Variants in NIPAL2 observed in about 807,000 individuals in gnomAD.
NIPAL2 encodes NIPA-like protein 2.
A neutral mutation model predicts 48.9 loss-of-function variants in NIPAL2; 43 were observed. That is an observed-to-expected ratio of 0.88 (90% confidence interval 0.69 to 1.13). NIPAL2 has a LOEUF of 1.13. Ranked by LOEUF, NIPAL2 falls within the 50% of genes most tolerant of loss-of-function variation. NIPAL2 has a pLI of 0.00. For synonymous variants in NIPAL2, 167 were observed against 174.6 expected, an observed-to-expected ratio of 0.96 and a Z score of 0.34; for missense variants, 446 against 461.4, an observed-to-expected ratio of 0.97 and a Z score of 0.31.
intron 6 of NIPAL2, among the ~76,000 whole-genome samples, chr8:98,209,012 C>A (rs1172898471): frequency 1.3e-5 from 2 of 152,126 alleles, no homozygotes; most frequent in East Asian, 3.9e-4. Context: ...GTTCTCATTT[C>A]TTGCTGTAAT....
chr8:98,201,860 C>A (rs1224466136), intron 8 of NIPAL2, among the ~76,000 whole-genome samples: 1 of 152,020 alleles, frequency 6.6e-6, no homozygotes, highest in Non-Finnish European at 1.5e-5. Context: ...TAAAGAACTA[C>A]CCACTGACAG....
At chr8:98,283,209 A>C (rs1019417702) in intron 1 of NIPAL2, among the ~76,000 whole-genome samples, 6 of 152,244 alleles carry the variant, frequency 3.9e-5, no homozygotes, top group Admixed American at 2.6e-4. Flanking sequence ...TAAAAACAAA[A>C]TTTCATTAAG....
intron 1 of NIPAL2, among the ~76,000 whole-genome samples, chr8:98,259,219 GGC>G (rs1481707745): frequency 6.7e-6 from 1 of 150,300 alleles, no homozygotes; most frequent in African/African-American, 2.5e-5. Flanking sequence ...TGGGACTACA[GGC>G]GCGCGCCACC....
intron 1 of NIPAL2, among the ~76,000 whole-genome samples, chr8:98,287,154 T>A (rs1334170063): frequency 6.6e-6 from 1 of 152,156 alleles, no homozygotes; most frequent in African/African-American, 2.4e-5. Context: ...ATGTTAACAC[T>A]AAATGAGCTT....
chr8:98,194,702 C>T (rs754364480), intron 10 of NIPAL2, 26 bp downstream of exon 10: 23 of 1,313,156 alleles, frequency 1.8e-5, no homozygotes, highest in Non-Finnish European at 2.4e-5. Context: ...ATCAAATTTT[C>T]CACTATAAAG....
At chr8:98,212,596 G>GA (rs1811374235) in intron 5 of NIPAL2, 95 bp from the exon 6 acceptor site, 3 of 665,430 alleles carry the variant, frequency 4.5e-6, no homozygotes, top group Non-Finnish European at 7.9e-6. Context: ...ATTCTCATAT[G>GA]AGCGTTGAGG....
chr8:98,203,086 T>C (rs761078742), intron 8 of NIPAL2, 22 bp downstream of exon 8: 6 of 1,543,100 alleles, frequency 3.9e-6, no homozygotes, highest in Admixed American at 1.7e-5. Context: ...GAATCACCAA[T>C]GTATAGAAAA....
chr8:98,246,873 A>G (rs1401227228), intron 3 of NIPAL2, among the ~76,000 whole-genome samples: 1 of 152,102 alleles, frequency 6.6e-6, no homozygotes, highest in Non-Finnish European at 1.5e-5. Context: ...GCCGCCCCAT[A>G]GACAAGTTAA....
At chr8:98,205,376 G>T in intron 6 of NIPAL2, 130 bp from the exon 7 acceptor site, 1 of 805,376 alleles carries the variant, frequency 1.2e-6, no homozygotes, top group Non-Finnish European at 1.9e-6. Flanking sequence ...TGTGAGAGGT[G>T]TAGGAAGGGA....
intron 6 of NIPAL2, among the ~76,000 whole-genome samples, chr8:98,207,218 C>T (rs983549998): frequency 6.6e-6 from 1 of 152,168 alleles, no homozygotes; most frequent in Non-Finnish European, 1.5e-5. Context: ...GATTTAACCA[C>T]TATCTGATTT....
intron 6 of NIPAL2, among the ~76,000 whole-genome samples, chr8:98,206,316 G>GTGTATA (rs138475191): frequency 0.036 from 5,380 of 147,624 alleles, 322 homozygotes; most frequent in African/African-American, 0.13. Context: ...GTGTGTGTGT[G>GTGTATA]TATATATATA....
At chr8:98,260,322 G>T (rs1316198230) in intron 1 of NIPAL2, among the ~76,000 whole-genome samples, 3 of 152,230 alleles carry the variant, frequency 2.0e-5, no homozygotes, top group Non-Finnish European at 4.4e-5. Flanking sequence ...CTCCCAGTGT[G>T]AGCGACGCAG....
chr8:98,257,516 C>T (rs754786590), intron 1 of NIPAL2, among the ~76,000 whole-genome samples: 1 of 152,062 alleles, frequency 6.6e-6, no homozygotes, highest in South Asian at 2.1e-4. Flanking sequence ...CTTGACCTAC[C>T]TAAGTGCCGG....
intron 5 of NIPAL2, 70 bp from the exon 6 acceptor site, chr8:98,212,571 T>A (rs1373976360): frequency 1.2e-6 from 1 of 807,482 alleles, no homozygotes; most frequent in Non-Finnish European, 2.0e-6. Context: ...CACTTCTCAT[T>A]TTGATTTTGC....
intron 1 of NIPAL2, among the ~76,000 whole-genome samples, chr8:98,278,525 A>T (rs1233155548): frequency 6.6e-6 from 1 of 152,064 alleles, no homozygotes; most frequent in Non-Finnish European, 1.5e-5. Flanking sequence ...ATTTCCTTAG[A>T]TCCATCTTCC....
rs201014617 is a variant in NIPAL2, at chr8:98,252,520, C to T, written c.319G>A (p.Ala107Thr). ...AGAGTAATGGGAGCAAATCCATAGG[C>T]TGCAAAGTTCCCCGTCTCTCCCACG... ...MAVGETGNFA[A>T]YGFAPITLIA... The change falls in exon 3 of 11, where the codon GCC becomes ACC. Residue 107 changes from alanine to threonine, a missense_variant. Coordinates refer to ENST00000430223, the MANE Select transcript of NIPAL2 (RefSeq NM_001321635.2). The T allele has an allele frequency of 9.3e-6, 15 of 1,614,092 alleles. No individual in the cohort carries two copies. Among genetic ancestry groups the T allele is most frequent in the Middle Eastern group, 1.7e-4 (1 of 6,048 alleles).
chr8:98,203,943 C>T (rs947189802), intron 7 of NIPAL2, among the ~76,000 whole-genome samples: 7 of 151,554 alleles, frequency 4.6e-5, no homozygotes, highest in African/African-American at 9.7e-5. Context: ...AGTACATATA[C>T]GTACAAAAGC....
chr8:98,225,543 T>C (rs943967390), intron 4 of NIPAL2, among the ~76,000 whole-genome samples: 1 of 152,268 alleles, frequency 6.6e-6, no homozygotes, highest in South Asian at 2.1e-4. Context: ...ACATGTAAGA[T>C]CCTCTGAAAA....
At chr8:98,280,761 T>TATATATATATATATATATATATAGAGAG in intron 1 of NIPAL2, among the ~76,000 whole-genome samples, 18 of 30,024 alleles carry the variant, frequency 6.0e-4, no homozygotes, top group Non-Finnish European at 8.8e-4. Flanking sequence ...TATATATATA[T>TATATATATATATATATATATATAGAGAG]AGAGAGAGAG....
Sources: allele counts gnomAD v4.1 joint callset (sites outside exome capture counted in the v4.1 genomes callset), GRCh38; gene constraint gnomAD v4.1.1; transcripts MANE v1.5; gene names NCBI Gene and HGNC (gene_info 2026-07-23, HGNC 2026-07-21).